The following CD200 variants were observed in gnomAD, a reference collection of about 807,000 sequenced individuals.
The protein encoded by CD200 is OX-2 membrane glycoprotein.
Under a neutral mutation model 30.9 loss-of-function variants are expected in CD200, and 15 were observed. That is an observed-to-expected ratio of 0.49 (90% CI 0.32 to 0.75). CD200 has a LOEUF of 0.75. CD200 is among the 30% of genes least tolerant of loss of function. The pLI is 0.03. For missense variants in CD200, 262 were observed against 324.2 expected, an observed-to-expected ratio of 0.81 and a Z score of 1.47; for synonymous variants, 134 against 126.2, an observed-to-expected ratio of 1.06 and a Z score of -0.41.
At chr3:112,335,585 A>G (rs2081095873) in intron 1 of CD200, among the ~76,000 whole-genome samples, 1 of 152,170 alleles carries the variant, frequency 6.6e-6, no homozygotes, top group Non-Finnish European at 1.5e-5. Flanking sequence ...ATGAGAGTCT[A>G]AGTGATTGGT....
chr3:112,347,203 G>A (rs1331356801), intron 3 of CD200, among the ~76,000 whole-genome samples: 2 of 152,250 alleles, frequency 1.3e-5, no homozygotes, highest in African/African-American at 2.4e-5. Context: ...CCAGAAGAAG[G>A]CAGAGATGCT....
At chr3:112,338,570 G>A (rs1190808198) in intron 1 of CD200, among the ~76,000 whole-genome samples, 1 of 152,154 alleles carries the variant, frequency 6.6e-6, no homozygotes. Flanking sequence ...TGAGCTGCAG[G>A]TAGTGACAGA....
chr3:112,337,383 C>A (rs915274689), intron 1 of CD200, among the ~76,000 whole-genome samples: 2 of 152,026 alleles, frequency 1.3e-5, no homozygotes, highest in Non-Finnish European at 2.9e-5. Context: ...GAAGACATTT[C>A]ATGTAGGAGG....
At chr3:112,333,009 T>C, upstream of CD200, 1 of 663,906 alleles carries the variant, frequency 1.5e-6, no homozygotes, top group South Asian at 1.9e-5. Context: ...CAAAGCTGAA[T>C]ATAAACATCA....
At chr3:112,360,458 G>T (rs1161957848) in intron 5 of CD200, among the ~76,000 whole-genome samples, 1 of 152,046 alleles carries the variant, frequency 6.6e-6, no homozygotes, top group Non-Finnish European at 1.5e-5. Flanking sequence ...GAGAAAAAAT[G>T]CTTACACTCT....
chr3:112,341,180 A>G (rs2081231666), intron 2 of CD200, among the ~76,000 whole-genome samples, 197 bp downstream of exon 2: 1 of 152,212 alleles, frequency 6.6e-6, no homozygotes, highest in Admixed American at 6.5e-5. Flanking sequence ...GCACACTTTG[A>G]TATTTAGAAG....
rs2081110862 is a variant in CD200 at position 112,336,157 on chromosome 3, C to A, written c.12+2933C>A. 3 of 647,450 alleles carry A rather than the reference C, an allele frequency of 4.6e-6. No individual in the cohort carries two copies. The South Asian group carries it at 5.5e-5, about 12-fold the overall frequency. 40.1% of individuals were successfully genotyped at this position (647,450 alleles called of 1,614,324 possible). ...GGTTTGGTACTTCCTCTTGAAATTTCCCTCATTAAGTTTAGGTCGTGGCTG... is the reference window on the plus strand; with the variant it reads ...GGTTTGGTACTTCCTCTTGAAATTTACCTCATTAAGTTTAGGTCGTGGCTG... On this transcript the variant is annotated intron_variant, in intron 1 of 5. Coordinates refer to ENST00000315711, the MANE Select transcript of CD200 (RefSeq NM_005944.7).
intron 2 of CD200, among the ~76,000 whole-genome samples, chr3:112,341,630 T>C (rs2081241233): frequency 6.6e-6 from 1 of 152,174 alleles, no homozygotes; most frequent in Admixed American, 6.5e-5. Context: ...TCTCCAACTC[T>C]GGTCCACAAC....
In CD200 at chr3:112,340,780, C is replaced by G; in HGVS notation, c.13-122C>G. On this transcript the variant is annotated intron_variant, in intron 1 of 5. Coordinates refer to ENST00000315711, the MANE Select transcript of CD200 (RefSeq NM_005944.7). ...ACCTCTAGTTCTGCTCCCACAAAACCAAAATTCTCTGGGGGGTAAAAACTT... is the reference window on the plus strand; with the variant it reads ...ACCTCTAGTTCTGCTCCCACAAAACGAAAATTCTCTGGGGGGTAAAAACTT... 11 of 663,320 alleles carry G rather than the reference C, an allele frequency of 1.7e-5. No individual in the cohort carries two copies. In the South Asian group the frequency reaches 2.1e-4, roughly 13 times the overall value. 41.1% of individuals were successfully genotyped at this position (663,320 alleles called of 1,614,324 possible). A position where few individuals can be genotyped will look rare whatever the true frequency, so the allele number is the denominator to read the frequency against.
intron 5 of CD200, among the ~76,000 whole-genome samples, chr3:112,357,483 G>C (rs566219909): frequency 3.9e-5 from 6 of 152,134 alleles, no homozygotes; most frequent in African/African-American, 1.2e-4. Context: ...GGCAGACTAA[G>C]TTTGTAACAG....
chr3:112,342,911 T>C (rs1390510933), intron 2 of CD200, among the ~76,000 whole-genome samples: 1 of 152,204 alleles, frequency 6.6e-6, no homozygotes, highest in Non-Finnish European at 1.5e-5. Context: ...TTGTAGCCTA[T>C]TTTGAGTTCA....
chr3:112,361,870 G>C lies in CD200; in HGVS notation c.*320G>C, dbSNP rs529418320. The C allele has an allele frequency of 3.9e-4, 151 of 385,918 alleles. No individual in the cohort carries two copies. The South Asian group carries it at 7.7e-3, about 20-fold the overall frequency. The allele number at this position is 385,918 out of a possible 1,614,324, so 23.9% of individuals were successfully genotyped here. On this transcript the variant is annotated 3_prime_UTR_variant, in exon 6 of 6. Coordinates refer to ENST00000315711, the MANE Select transcript of CD200 (RefSeq NM_005944.7). ...CACAGACTGACTTGGGCTCCTACTG[G>C]TGGGGACCTCTGTTAGTCACTTTAC...
chr3:112,337,464 A>G (rs929749888), intron 1 of CD200, among the ~76,000 whole-genome samples: 2 of 152,194 alleles, frequency 1.3e-5, no homozygotes, highest in Non-Finnish European at 2.9e-5. Context: ...GCTAGCTGGC[A>G]GGGAGGGGAT....
chr3:112,348,974 A>G (rs2081471963), intron 4 of CD200, among the ~76,000 whole-genome samples: 1 of 152,204 alleles, frequency 6.6e-6, no homozygotes, highest in African/African-American at 2.4e-5. Flanking sequence ...CATTTACCAA[A>G]AAACTTCCAT....
intron 5 of CD200, among the ~76,000 whole-genome samples, chr3:112,352,195 GAA>G (rs2081545425): frequency 6.6e-6 from 1 of 152,142 alleles, no homozygotes; most frequent in Non-Finnish European, 1.5e-5. Flanking sequence ...TCAGGGCTAA[GAA>G]AATACTGGTT....
chr3:112,333,272 TG>T (rs1559777083), intron 1 of CD200, 48 bp downstream of exon 1: 22 of 1,539,182 alleles, frequency 1.4e-5, no homozygotes, highest in Non-Finnish European at 1.9e-5. Context: ...CAGGCGATGT[TG>T]AGCCGGTGGC....
intron 1 of CD200, among the ~76,000 whole-genome samples, chr3:112,336,975 C>T (rs966897543): frequency 2.0e-5 from 3 of 152,028 alleles, no homozygotes; most frequent in African/African-American, 7.3e-5. Flanking sequence ...AACTGTCAAG[C>T]CTGCTTTAGT....
chr3:112,343,806 T>G (rs902234519), intron 2 of CD200, among the ~76,000 whole-genome samples: 4 of 152,218 alleles, frequency 2.6e-5, no homozygotes, highest in Non-Finnish European at 4.4e-5. Flanking sequence ...GTTCCTTTTA[T>G]CATTTTGAAA....
At chr3:112,333,553 C>A (rs974343808) in intron 1 of CD200, 1 of 985,298 alleles carries the variant, frequency 1.0e-6, no homozygotes, top group African/African-American at 1.7e-5. Flanking sequence ...CGGGCAGGCT[C>A]GGCTCGGCTC....
Sources: allele counts gnomAD v4.1 joint callset (sites outside exome capture counted in the v4.1 genomes callset), GRCh38; gene constraint gnomAD v4.1.1; transcripts MANE v1.5; gene names NCBI Gene and HGNC (gene_info 2026-07-23, HGNC 2026-07-21).